CACNB4: variants seen among roughly 807,000 people sequenced by gnomAD.
The protein encoded by CACNB4 is calcium voltage-gated channel auxiliary subunit beta 4.
Under a neutral mutation model 71.2 loss-of-function variants are expected in CACNB4, and 32 were observed. The ratio of observed to expected loss-of-function variants is 0.45; its 90% CI spans 0.34 to 0.60. The LOEUF (loss-of-function observed/expected upper bound fraction) is 0.60. Among genes scored for constraint, CACNB4 ranks in the 20% least tolerant of loss-of-function variants. CACNB4 has a pLI of 0.01. For missense variants in CACNB4, 464 were observed against 647.9 expected, an observed-to-expected ratio of 0.72 and a Z score of 3.08; for synonymous variants, 231 against 236.9, an observed-to-expected ratio of 0.97 and a Z score of 0.23.
intron 2 of CACNB4, among the ~76,000 whole-genome samples, chr2:152,070,950 A>T (rs999534888): frequency 2.0e-5 from 3 of 152,146 alleles, no homozygotes; most frequent in Admixed American, 1.3e-4. Context: ...GTATTTTTGT[A>T]GAAACAGGGT....
chr2:151,865,933 G>A (rs12693157), intron 9 of CACNB4: 15,087 of 151,936 alleles, frequency 0.099, 841 homozygotes, highest in African/African-American at 0.14. Flanking sequence ...TTACAGGCAC[G>A]CGCCACCACG....
At chr2:152,093,791 T>C (rs1299642217) in intron 2 of CACNB4, among the ~76,000 whole-genome samples, 2 of 152,210 alleles carry the variant, frequency 1.3e-5, no homozygotes, top group Non-Finnish European at 2.9e-5. Context: ...CCAGTGCCCA[T>C]ATAACATCAT....
chr2:152,009,086 G>T (rs1579118890), intron 2 of CACNB4, among the ~76,000 whole-genome samples: 1 of 151,998 alleles, frequency 6.6e-6, no homozygotes, highest in Non-Finnish European at 1.5e-5. Context: ...AGCACTTTGG[G>T]AGGCTGAGGT....
chr2:151,942,308 CATTTATCCGTTCCCAAAT>C (rs2099864464), intron 2 of CACNB4, among the ~76,000 whole-genome samples: 1 of 149,214 alleles, frequency 6.7e-6, no homozygotes, highest in Non-Finnish European at 1.5e-5. Flanking sequence ...TTAATATGGA[CATTTATCCGTTCCCAAAT>C]AATACTTTTA....
chr2:152,030,959 C>T (rs1261438339), intron 2 of CACNB4, among the ~76,000 whole-genome samples: 1 of 152,198 alleles, frequency 6.6e-6, no homozygotes, highest in Non-Finnish European at 1.5e-5. Flanking sequence ...ATTCACTGCA[C>T]AGCCTCAGCC....
chr2:151,889,797 C>G (rs1035964766), intron 2 of CACNB4, among the ~76,000 whole-genome samples: 1 of 152,194 alleles, frequency 6.6e-6, no homozygotes, highest in Non-Finnish European at 1.5e-5. Context: ...GCTAGGGCAC[C>G]TAGCCTAGCA....
chr2:152,073,215 G>A (rs973616717), intron 2 of CACNB4, among the ~76,000 whole-genome samples: 7 of 152,190 alleles, frequency 4.6e-5, no homozygotes, highest in East Asian at 1.9e-4. Context: ...GAGAGCAGAC[G>A]GAAGTCAGCT....
intron 2 of CACNB4, among the ~76,000 whole-genome samples, chr2:151,907,908 G>C (rs1052793501): frequency 6.6e-6 from 1 of 152,186 alleles, no homozygotes; most frequent in African/African-American, 2.4e-5. Context: ...AACTGAGGTA[G>C]AGTAGAGATC....
intron 2 of CACNB4, among the ~76,000 whole-genome samples, chr2:151,960,191 C>T (rs2099869303): frequency 6.6e-6 from 1 of 152,214 alleles, no homozygotes; most frequent in Non-Finnish European, 1.5e-5. Flanking sequence ...CAGTACCTCT[C>T]TAGTGAGTGT....
At chr2:151,877,106 TACATATATATCTATATATACATA>T (rs2099846627) in intron 4 of CACNB4, among the ~76,000 whole-genome samples, 1 of 148,246 alleles carries the variant, frequency 6.7e-6, no homozygotes, top group Non-Finnish European at 1.5e-5. Flanking sequence ...TATCTATATA[TACATATATATCTATATATACATA>T]CTATATATAT....
At chr2:151,985,062 T>A (rs1436291683) in intron 2 of CACNB4, among the ~76,000 whole-genome samples, 1 of 152,156 alleles carries the variant, frequency 6.6e-6, no homozygotes, top group Non-Finnish European at 1.5e-5. Context: ...CATGAGTGTA[T>A]TTTTTTGCTG....
chr2:152,075,039 T>C (rs1245407768), intron 2 of CACNB4, among the ~76,000 whole-genome samples: 1 of 152,162 alleles, frequency 6.6e-6, no homozygotes, highest in Non-Finnish European at 1.5e-5. Flanking sequence ...CAAATACCGA[T>C]ACATATTATG....
In CACNB4 at chr2:151,984,259, C is replaced by A. The variant is rs74528598; in HGVS notation, c.148-100889G>T. On this transcript the variant is annotated intron_variant, in intron 2 of 13. Transcript: ENST00000539935. The stretch of plus-strand genomic sequence containing the variant: ...AACACAAACAGTCCATTCCAAAAAC[C>A]CAGGGAAAATTCATAAATACATTGT... Among the ~76,000 whole-genome samples the A allele has an allele frequency of 1.2e-3, 181 of 152,192 alleles. 4 individuals are homozygous for A. The East Asian group carries it at 0.029, about 24-fold the overall frequency.
At chr2:152,062,399 T>G (rs58791577) in intron 2 of CACNB4, among the ~76,000 whole-genome samples, 1,808 of 152,328 alleles carry the variant, frequency 0.012, 33 homozygotes, top group African/African-American at 0.042. Context: ...TAAATCATTT[T>G]ATTTCATTTT....
intron 2 of CACNB4, among the ~76,000 whole-genome samples, chr2:152,011,112 T>A (rs1317382760): frequency 6.6e-6 from 1 of 152,212 alleles, no homozygotes; most frequent in Admixed American, 6.5e-5. Context: ...AGAACAATTA[T>A]TCCAGAAGAG....
chr2:151,857,523 A>C (rs2099840607), intron 10 of CACNB4: 1 of 152,202 alleles, frequency 6.6e-6, no homozygotes, highest in Admixed American at 6.5e-5. Context: ...TTTTCTTCAG[A>C]AGGAAGTTTG....
At chr2:152,007,428 T>C (rs1253994245) in intron 2 of CACNB4, among the ~76,000 whole-genome samples, 1 of 152,230 alleles carries the variant, frequency 6.6e-6, no homozygotes, top group Non-Finnish European at 1.5e-5. Flanking sequence ...GTCTCTGAAG[T>C]TGACTACTCT....
chr2:151,992,752 C>A (rs534837872), intron 2 of CACNB4, among the ~76,000 whole-genome samples: 8 of 152,336 alleles, frequency 5.3e-5, no homozygotes, highest in Non-Finnish European at 8.8e-5. Context: ...CTCATTCCAA[C>A]TGGGACCCAT....
At chr2:152,053,522 ATTTTTT>A (rs200394309) in intron 2 of CACNB4, among the ~76,000 whole-genome samples, 8 of 137,936 alleles carry the variant, frequency 5.8e-5, no homozygotes, top group African/African-American at 8.2e-5. Flanking sequence ...TGCTCTAGGA[ATTTTTT>A]TTTTTTTTTT....
Sources: gnomAD v4.1 joint callset for allele counts (sites outside exome capture counted in the v4.1 genomes callset) on GRCh38, gnomAD v4.1.1 for gene constraint, MANE v1.5 for transcripts, NCBI Gene and HGNC (gene_info 2026-07-23, HGNC 2026-07-21) for gene names.